EXOC6: variants seen among roughly 807,000 people sequenced by gnomAD.
The protein encoded by EXOC6 is SEC15-like 1.
In EXOC6, 60 loss-of-function variants were observed where a neutral mutation model predicts 112.5. The ratio of observed to expected loss-of-function variants is 0.53; its 90% CI spans 0.43 to 0.66. The LOEUF is 0.66. Among genes scored for constraint, EXOC6 ranks in the 30% least tolerant of loss-of-function variants. EXOC6 has a pLI of 0.00. For missense variants in EXOC6, 855 were observed against 957.1 expected, an observed-to-expected ratio of 0.89 and a Z score of 1.41; for synonymous variants, 295 against 308.0, an observed-to-expected ratio of 0.96 and a Z score of 0.44.
At chr10:93,015,903 G>A (rs1438897520) in intron 20 of EXOC6, among the ~76,000 whole-genome samples, 3 of 152,142 alleles carry the variant, frequency 2.0e-5, no homozygotes, top group Non-Finnish European at 4.4e-5. Context: ...CAGATATTAC[G>A]TCAAACAAGG....
intron 1 of EXOC6, among the ~76,000 whole-genome samples, chr10:92,842,318 C>T (rs1846883734): frequency 6.9e-6 from 1 of 145,436 alleles, no homozygotes; most frequent in Non-Finnish European, 1.5e-5. Flanking sequence ...GAGATCACAC[C>T]ATTGCACTCC....
intron 1 of EXOC6, among the ~76,000 whole-genome samples, chr10:92,859,821 ATGTG>A (rs10617958): frequency 0.055 from 7,848 of 141,604 alleles, 241 homozygotes; most frequent in Middle Eastern, 0.15. Flanking sequence ...GTTTGTGTGC[ATGTG>A]TGTGTGTGTG....
intron 18 of EXOC6, among the ~76,000 whole-genome samples, chr10:92,990,424 G>T (rs1843182307): frequency 6.6e-6 from 1 of 152,158 alleles, no homozygotes; most frequent in South Asian, 2.1e-4. Context: ...TCAGGGCTTA[G>T]TTGGAAGTAG....
chr10:93,043,745 G>C (rs980499113), intron 20 of EXOC6, among the ~76,000 whole-genome samples: 10 of 152,200 alleles, frequency 6.6e-5, no homozygotes, highest in African/African-American at 2.4e-4. Flanking sequence ...ACAGGACTTA[G>C]ATCACAATCC....
chr10:92,995,174 G>A (rs954885425), intron 18 of EXOC6, among the ~76,000 whole-genome samples: 3 of 151,678 alleles, frequency 2.0e-5, no homozygotes, highest in Non-Finnish European at 2.9e-5. Flanking sequence ...TTAGTATTAC[G>A]CATGATATTT....
At chr10:92,991,959 A>G (rs1843282141) in intron 18 of EXOC6, among the ~76,000 whole-genome samples, 1 of 152,144 alleles carries the variant, frequency 6.6e-6, no homozygotes, top group East Asian at 1.9e-4. Flanking sequence ...TAAGAGGAAT[A>G]TAGAGTGTAA....
intron 1 of EXOC6, among the ~76,000 whole-genome samples, chr10:92,842,021 G>GAGCC (rs1266213438): frequency 2.6e-5 from 4 of 151,846 alleles, no homozygotes; most frequent in African/African-American, 9.7e-5. Flanking sequence ...TTAGTGAAAA[G>GAGCC]AGCCAGAAAT....
At chr10:93,053,035 G>A (rs1482302716) in intron 20 of EXOC6, among the ~76,000 whole-genome samples, 2 of 152,178 alleles carry the variant, frequency 1.3e-5, no homozygotes, top group South Asian at 2.1e-4. Context: ...TTTTCATAAT[G>A]TAGATCTTAA....
In EXOC6 at chr10:93,000,995, T is replaced by C. The variant is rs567967635; in HGVS notation, c.2095+3380T>C. ...TTCATGTTAAGTATTTCTGTTTAAATCTGGAGGAAAGTAGTTCTTTAAATA... is the reference window on the plus strand; with the variant it reads ...TTCATGTTAAGTATTTCTGTTTAAACCTGGAGGAAAGTAGTTCTTTAAATA... On this transcript the variant is annotated intron_variant, in intron 19 of 21. Transcript: ENST00000260762. 5.9e-5 allele frequency among the ~76,000 whole-genome samples: 9 copies of C among 152,352 alleles called. No individual in the cohort carries two copies. In the South Asian group the frequency reaches 1.5e-3, roughly 25 times the overall value.
chr10:92,985,104 C>T (rs1482113362), intron 18 of EXOC6, among the ~76,000 whole-genome samples: 1 of 152,136 alleles, frequency 6.6e-6, no homozygotes, highest in Non-Finnish European at 1.5e-5. Flanking sequence ...CCCCATCCCC[C>T]TCTGCTCTCC....
intron 6 of EXOC6, among the ~76,000 whole-genome samples, chr10:92,914,046 C>A (rs190598130): frequency 6.6e-6 from 1 of 152,180 alleles, no homozygotes; most frequent in Non-Finnish European, 1.5e-5. Flanking sequence ...GTTCCTAGCC[C>A]CCAGGCCGTG....
At chr10:92,871,142 C>T (rs1262713034) in intron 1 of EXOC6, among the ~76,000 whole-genome samples, 1 of 152,140 alleles carries the variant, frequency 6.6e-6, no homozygotes, top group African/African-American at 2.4e-5. Flanking sequence ...GACTTTCTCT[C>T]TTGAGGGTCA....
At chr10:93,002,564 A>G (rs569049452) in intron 19 of EXOC6, among the ~76,000 whole-genome samples, 3 of 152,294 alleles carry the variant, frequency 2.0e-5, no homozygotes, top group South Asian at 2.1e-4. Context: ...CTGTTGCATG[A>G]TAAAGTTTGA....
intron 20 of EXOC6, 35 bp downstream of exon 20, chr10:93,014,302 C>A: frequency 6.5e-7 from 1 of 1,529,108 alleles, no homozygotes; most frequent in Admixed American, 1.7e-5. Flanking sequence ...ATTTGTTGCC[C>A]TCTAACTCTT....
At chr10:92,968,887 GT>G (rs2134068370) in intron 17 of EXOC6, among the ~76,000 whole-genome samples, 1 of 152,134 alleles carries the variant, frequency 6.6e-6, no homozygotes, top group African/African-American at 2.4e-5. Flanking sequence ...TCCCAAAACC[GT>G]TTTGTTTTTT....
intron 8 of EXOC6, among the ~76,000 whole-genome samples, chr10:92,924,274 T>G (rs1851588749): frequency 6.6e-6 from 1 of 152,210 alleles, no homozygotes; most frequent in African/African-American, 2.4e-5. Context: ...TGACTAATCT[T>G]AATACTCTTC....
intron 19 of EXOC6, among the ~76,000 whole-genome samples, chr10:93,007,217 T>TC (rs1038984849): frequency 3.9e-5 from 6 of 151,908 alleles, no homozygotes; most frequent in African/African-American, 1.5e-4. Context: ...CAATTTTCCT[T>TC]CCCCCCTCGT....
At position 92,872,638 on chromosome 10, in the gene EXOC6, C is replaced by T. The variant is rs531477714; in HGVS notation, c.102-20711C>T. 5.3e-5 allele frequency among the ~76,000 whole-genome samples: 8 copies of T among 151,822 alleles called. No individual in the cohort carries two copies. The East Asian group carries it at 5.8e-4, about 11-fold the overall frequency. ...TGTTGCATCTCCTTTAGTTTCTGTT[C>T]GATGAGATTGGTTTTGAATTTTTGG... On this transcript the variant is annotated intron_variant, in intron 1 of 21. Transcript: ENST00000260762.
At chr10:93,055,737 G>A (rs981204656) in intron 20 of EXOC6, among the ~76,000 whole-genome samples, 3 of 151,934 alleles carry the variant, frequency 2.0e-5, no homozygotes, top group African/African-American at 7.3e-5. Flanking sequence ...TATCTTGTCC[G>A]AAAGAAAATA....
Sources: gnomAD v4.1 joint callset for allele counts (sites outside exome capture counted in the v4.1 genomes callset) on GRCh38, gnomAD v4.1.1 for gene constraint, MANE v1.5 for transcripts, NCBI Gene and HGNC (gene_info 2026-07-23, HGNC 2026-07-21) for gene names.